Variants in SFMBT2 observed in about 807,000 individuals in gnomAD.
SFMBT2 encodes the protein Scm like with four mbt domains 2.
A neutral mutation model predicts 110.1 loss-of-function variants in SFMBT2; 38 were observed. The ratio of observed to expected loss-of-function variants is 0.35; its 90% CI spans 0.27 to 0.45. The LOEUF (loss-of-function observed/expected upper bound fraction) is 0.45. SFMBT2 is among the 20% of genes least tolerant of loss of function. The probability of loss-of-function intolerance (pLI) is 1.00; values close to 1 mark genes in which losing one functional copy is unlikely to be tolerated. For missense variants in SFMBT2, 1,011 were observed against 1,094.9 expected, an observed-to-expected ratio of 0.92 and a Z score of 1.08; for synonymous variants, 425 against 425.4, an observed-to-expected ratio of 1.00 and a Z score of 0.01.
intron 10 of SFMBT2, among the ~76,000 whole-genome samples, chr10:7,226,253 C>A (rs1267506749): frequency 6.6e-6 from 1 of 152,244 alleles, no homozygotes; most frequent in Non-Finnish European, 1.5e-5. Context: ...AGCTACTTCT[C>A]AAGGTCGTTC....
chr10:7,276,376 T>G (rs1470937802), intron 7 of SFMBT2, among the ~76,000 whole-genome samples: 1 of 152,314 alleles, frequency 6.6e-6, no homozygotes, highest in East Asian at 1.9e-4. Context: ...AGAAAGTCAG[T>G]AAACCTAAAC....
chr10:7,267,839 G>A (rs1977428), intron 7 of SFMBT2, among the ~76,000 whole-genome samples: 113,885 of 152,140 alleles, frequency 0.75, 42,995 homozygotes, highest in East Asian at 0.92. Flanking sequence ...GACATTTCAG[G>A]TATGTCCCTT....
intron 8 of SFMBT2, among the ~76,000 whole-genome samples, chr10:7,247,285 T>A (rs1277946243): frequency 1.3e-5 from 2 of 152,012 alleles, no homozygotes; most frequent in African/African-American, 4.8e-5. Context: ...CCTGGCTAAT[T>A]TTTGTATTTT....
intron 8 of SFMBT2, chr10:7,246,108 T>A: frequency 2.1e-6 from 2 of 971,236 alleles, no homozygotes; most frequent in Non-Finnish European, 2.4e-6. Flanking sequence ...CATACCCCAA[T>A]CCATGTGTTA....
Position 7,227,866 on chromosome 10 carries a change from A to G in SFMBT2, c.1192T>C (p.Cys398Arg). Residue 398 changes from cysteine to arginine, a missense_variant, in exon 10 of 21, where the codon TGC becomes CGC. Transcript: ENST00000397167. Reference sequence around the variant, plus strand: ...GAGAAGCTTCTTACATTTCGGAAGCAGAAGGGAGGGGCTTCCTGCGCCCCA... The same window carrying G: ...GAGAAGCTTCTTACATTTCGGAAGCGGAAGGGAGGGGCTTCCTGCGCCCCA... Reference protein sequence around the residue: ...QHGAQEAPPFCFRNTSFSRGF... With the variant: ...QHGAQEAPPFRFRNTSFSRGF... The G allele has an allele frequency of 6.2e-7, 1 of 1,609,210 alleles. No homozygotes were observed. Among genetic ancestry groups the G allele is most frequent in the Non-Finnish European group, 8.5e-7 (1 of 1,178,586 alleles).
At chr10:7,229,727 G>GTT (rs374010287) in intron 9 of SFMBT2, among the ~76,000 whole-genome samples, 1 of 145,652 alleles carries the variant, frequency 6.9e-6, no homozygotes, top group Non-Finnish European at 1.5e-5. Context: ...TGTTGTTGTT[G>GTT]TTTTTTTTTT....
intron 4 of SFMBT2, among the ~76,000 whole-genome samples, chr10:7,312,139 A>AT (rs1842874808): frequency 4.6e-5 from 7 of 152,262 alleles, no homozygotes; most frequent in Admixed American, 3.9e-4. Context: ...TGATGAGTTA[A>AT]TGGGTGCAGC....
intron 16 of SFMBT2, among the ~76,000 whole-genome samples, chr10:7,184,923 C>T (rs759692034): frequency 6.6e-6 from 1 of 152,168 alleles, no homozygotes; most frequent in African/African-American, 2.4e-5. Flanking sequence ...TAGTGAGGTA[C>T]GGTTCTCGCT....
intron 11 of SFMBT2, among the ~76,000 whole-genome samples, chr10:7,213,250 A>G (rs1839412640): frequency 2.0e-5 from 3 of 152,230 alleles, no homozygotes; most frequent in Non-Finnish European, 4.4e-5. Context: ...GTAAAATAAA[A>G]AAAATTAAGA....
chr10:7,369,474 G>A (rs1329806702), intron 3 of SFMBT2, among the ~76,000 whole-genome samples: 1 of 152,106 alleles, frequency 6.6e-6, no homozygotes, highest in Non-Finnish European at 1.5e-5. Flanking sequence ...GATAAAAACT[G>A]ACTTTTTAAA....
At position 7,355,413 on chromosome 10, in the gene SFMBT2, G is replaced by C. The variant is rs1199282319; in HGVS notation, c.436+12236C>G. ...AGTTCTAGCATTCAACATTCACTCA[G>C]TTGCCAATGTAAAAAGTCAACATCG... On this transcript the variant is annotated intron_variant, in intron 4 of 20. Transcript: ENST00000397167. Among the ~76,000 whole-genome samples the C allele has an allele frequency of 2.6e-5, 4 of 152,242 alleles. No individual in the cohort carries two copies. The East Asian group carries it at 7.7e-4, about 29-fold the overall frequency.
intron 4 of SFMBT2, among the ~76,000 whole-genome samples, chr10:7,330,905 C>A (rs1478671934): frequency 6.6e-6 from 1 of 152,236 alleles, no homozygotes; most frequent in African/African-American, 2.4e-5. Flanking sequence ...CCCATGGTAG[C>A]GTCCTCCCTG....
intron 8 of SFMBT2, among the ~76,000 whole-genome samples, chr10:7,244,773 A>C (rs982467330): frequency 6.6e-6 from 1 of 152,154 alleles, no homozygotes; most frequent in Non-Finnish European, 1.5e-5. Context: ...TTCTGGAAGC[A>C]ATTTAGTTCA....
chr10:7,353,076 C>G (rs984980013), intron 4 of SFMBT2, among the ~76,000 whole-genome samples: 4 of 151,626 alleles, frequency 2.6e-5, no homozygotes, highest in Non-Finnish European at 5.9e-5. Flanking sequence ...CAGAAGACAC[C>G]CTTTGCCAAA....
rs1417281365 is a variant in SFMBT2, at chr10:7,228,732, TTTC to T, written c.1121-798_1121-796del. ...CTTTCTTTCTTTCTTTCTTTCTTTC[TTTC>T]CTTTCTCTCTCTCTCTCTCTCTCTC... On this transcript the variant is annotated intron_variant, in intron 9 of 20. Transcript: ENST00000397167. Among the ~76,000 whole-genome samples the T allele has an allele frequency of 1.6e-3, 97 of 60,670 alleles. 1 individual carries two copies. The highest frequency in any genetic ancestry group is 6.2e-3 in the African/African-American group (79 of 12,736). The allele number at this position is 60,670 out of a possible 152,430, so 39.8% of individuals were successfully genotyped here.
chr10:7,260,275 A>T (rs1226281903), intron 7 of SFMBT2, among the ~76,000 whole-genome samples: 1 of 152,214 alleles, frequency 6.6e-6, no homozygotes, highest in Non-Finnish European at 1.5e-5. Flanking sequence ...ACCCTACTCG[A>T]CCTGGTATAA....
intron 7 of SFMBT2, among the ~76,000 whole-genome samples, chr10:7,257,202 T>C (rs1841044931): frequency 6.6e-6 from 1 of 151,990 alleles, no homozygotes; most frequent in African/African-American, 2.4e-5. Context: ...ATGGACAAAC[T>C]GCAATATCTT....
rs1346030728 is a variant in SFMBT2 at position 7,160,777 on chromosome 10, A to C, written c.*2993T>G. The C allele has an allele frequency of 6.6e-6, 1 of 152,222 alleles. No homozygotes were observed. The highest frequency in any genetic ancestry group is 6.5e-5 in the Admixed American group (1 of 15,286). The allele number at this position is 152,222 out of a possible 1,614,324, so 9.4% of individuals were successfully genotyped here. ...GGTGAGAGGTGAATCCTACAGAGAA[A>C]TGAAAACACATTACAATTCTGTACC... On this transcript the variant is annotated 3_prime_UTR_variant, in exon 21 of 21. Transcript: ENST00000397167.
At chr10:7,236,174 G>A (rs966952574) in intron 9 of SFMBT2, among the ~76,000 whole-genome samples, 1 of 151,952 alleles carries the variant, frequency 6.6e-6, no homozygotes, top group Non-Finnish European at 1.5e-5. Context: ...AGGTACCTAG[G>A]AAATATTCCA....
Sources: gnomAD v4.1 joint callset for allele counts (sites outside exome capture counted in the v4.1 genomes callset) on GRCh38, gnomAD v4.1.1 for gene constraint, MANE v1.5 for transcripts, NCBI Gene and HGNC (gene_info 2026-07-23, HGNC 2026-07-21) for gene names.